PHF24: variants seen among roughly 807,000 people sequenced by gnomAD.
PHF24 encodes PHD finger protein 24.
In PHF24, 25 loss-of-function variants were observed where a neutral mutation model predicts 42.6. The ratio of observed to expected loss-of-function variants is 0.59; its 90% CI spans 0.43 to 0.82. The LOEUF is 0.82. Ranked by LOEUF, PHF24 falls within the 40% of genes least tolerant of loss-of-function variation. The pLI is 0.00. For synonymous variants in PHF24, 185 were observed against 204.8 expected (o/e 0.90, Z 0.83); for missense variants, 470 against 538.1 (o/e 0.87, Z 1.25).
the PHF24 span, chr9:34,895,128 T>C: frequency 2.5e-6 from 1 of 398,550 alleles, no homozygotes. Context: ...TACACCATTT[T>C]TTCCCATATC....
chr9:34,700,421 A>AT, the PHF24 span, among the ~76,000 whole-genome samples: 1 of 152,202 alleles, frequency 6.6e-6, no homozygotes, highest in East Asian at 1.9e-4. Flanking sequence ...TAGAGCCAAT[A>AT]GACTTTGCTG....
At chr9:34,939,309 A>C in the PHF24 span, among the ~76,000 whole-genome samples, 1 of 152,198 alleles carries the variant, frequency 6.6e-6, no homozygotes, top group African/African-American at 2.4e-5. Flanking sequence ...ATAATGGGTA[A>C]ATTTATACCT....
At chr9:34,688,416 C>T in the PHF24 span, among the ~76,000 whole-genome samples, 2 of 152,154 alleles carry the variant, frequency 1.3e-5, no homozygotes, top group African/African-American at 4.8e-5. Flanking sequence ...CTCCAAGAGT[C>T]ACACGGCTCT....
At chr9:34,818,830 A>G in the PHF24 span, among the ~76,000 whole-genome samples, 1 of 152,172 alleles carries the variant, frequency 6.6e-6, no homozygotes, top group African/African-American at 2.4e-5. Flanking sequence ...TGAGTTGGCA[A>G]GTACTATCTT....
At chr9:34,934,505 G>T in the PHF24 span, among the ~76,000 whole-genome samples, 1 of 151,974 alleles carries the variant, frequency 6.6e-6, no homozygotes, top group Non-Finnish European at 1.5e-5. Context: ...CCCAGCTGCT[G>T]AACATGCCTC....
the PHF24 span, among the ~76,000 whole-genome samples, chr9:34,798,841 C>T: frequency 2.0e-5 from 3 of 152,152 alleles, no homozygotes; most frequent in Non-Finnish European, 4.4e-5. Context: ...TAAGCTTTCC[C>T]TCTTCTCCAC....
the PHF24 span, among the ~76,000 whole-genome samples, chr9:34,852,798 A>T: frequency 9.2e-5 from 14 of 152,138 alleles, no homozygotes; most frequent in African/African-American, 2.9e-4. Context: ...TTTCCTGTAC[A>T]TGTGTATTTT....
chr9:34,980,763 G>C (rs1390623904), exon 8 of PHF24: 3 of 152,218 alleles, frequency 2.0e-5, no homozygotes, highest in South Asian at 2.1e-4. Flanking sequence ...CTCTAATAAG[G>C]GTATGAGAAA....
chr9:34,773,134 G>T, the PHF24 span, among the ~76,000 whole-genome samples: 1 of 152,136 alleles, frequency 6.6e-6, no homozygotes, highest in African/African-American at 2.4e-5. Flanking sequence ...GGGACTACAG[G>T]CATGCGACAC....
At chr9:34,916,604 A>G in the PHF24 span, among the ~76,000 whole-genome samples, 708 of 152,358 alleles carry the variant, frequency 4.6e-3, 10 homozygotes, top group Middle Eastern at 0.051. Flanking sequence ...TTGAAAGTAC[A>G]AAGGATGAAA....
At chr9:34,782,244 G>C in the PHF24 span, among the ~76,000 whole-genome samples, 5 of 152,134 alleles carry the variant, frequency 3.3e-5, no homozygotes, top group African/African-American at 7.2e-5. Flanking sequence ...AAAAATGAGA[G>C]CAAGACTCAG....
chr9:34,776,054 A>T, the PHF24 span, among the ~76,000 whole-genome samples: 1,122 of 152,330 alleles, frequency 7.4e-3, 16 homozygotes, highest in African/African-American at 0.026. Context: ...ATCTGTGGAG[A>T]TAGAAAATAG....
chr9:34,917,466 T>A, the PHF24 span: 1 of 769,954 alleles, frequency 1.3e-6, no homozygotes, highest in Non-Finnish European at 2.4e-6. Context: ...AACAAGCTGG[T>A]ATTGTGTGAA....
chr9:34,689,522 A>G, the PHF24 span: 302 of 360,202 alleles, frequency 8.4e-4, no homozygotes, highest in Non-Finnish European at 1.3e-3. The surrounding 1 kb of genome is among the most constrained non-coding windows in gnomAD (Gnocchi z 4.1). Flanking sequence ...CTAGTTAAGC[A>G]GTAGGAGTGG....
chr9:34,675,983 G>A, the PHF24 span, among the ~76,000 whole-genome samples: 1 of 152,200 alleles, frequency 6.6e-6, no homozygotes, highest in African/African-American at 2.4e-5. Context: ...GGACATAAGA[G>A]TTTGTGATTA....
At chr9:34,915,608 T>G in the PHF24 span, among the ~76,000 whole-genome samples, 58,991 of 151,856 alleles carry the variant, frequency 0.39, 11,900 homozygotes, top group East Asian at 0.55. Context: ...TCCATTGCAA[T>G]CAGAGAACAG....
the PHF24 span, among the ~76,000 whole-genome samples, chr9:34,738,359 T>C: frequency 3.9e-5 from 6 of 152,268 alleles, no homozygotes; most frequent in South Asian, 8.3e-4. Flanking sequence ...TTTTTTTTTT[T>C]ATTTTTATTG....
the PHF24 span, among the ~76,000 whole-genome samples, chr9:34,939,724 T>G: frequency 6.6e-6 from 1 of 152,134 alleles, no homozygotes; most frequent in African/African-American, 2.4e-5. Flanking sequence ...GAGAGGCACA[T>G]TCTCATGGTC....
the PHF24 span, among the ~76,000 whole-genome samples, chr9:34,858,597 T>C: frequency 6.6e-6 from 1 of 152,166 alleles, no homozygotes; most frequent in Non-Finnish European, 1.5e-5. Context: ...CTGTGTCTGT[T>C]GGTGCCAGCC....
Sources: allele counts gnomAD v4.1 joint callset (sites outside exome capture counted in the v4.1 genomes callset), GRCh38; gene constraint gnomAD v4.1.1; non-coding constraint Gnocchi (gnomAD v3.1); transcripts MANE v1.5; gene names NCBI Gene and HGNC (gene_info 2026-07-23, HGNC 2026-07-21).